Variants in VTI1A observed in about 807,000 individuals in gnomAD.
The protein encoded by VTI1A is vesicle transport through interaction with t-SNAREs 1A, also known as vesicle transport through interaction with t-SNAREs homolog 1A.
Under a neutral mutation model 34.9 loss-of-function variants are expected in VTI1A, and 22 were observed. The observed-to-expected ratio is 0.63, with a 90% confidence interval of 0.45 to 0.90. The LOEUF (loss-of-function observed/expected upper bound fraction) is 0.90. Among genes scored for constraint, VTI1A ranks in the 40% least tolerant of loss-of-function variants. The pLI, the probability that VTI1A is intolerant of heterozygous loss-of-function variation, is 0.00. For synonymous variants in VTI1A, 87 were observed against 97.3 expected, an observed-to-expected ratio of 0.89 and a Z score of 0.62; for missense variants, 268 against 275.6, an observed-to-expected ratio of 0.97 and a Z score of 0.20.
chr10:112,836,241 T>TATGAA, the VTI1A span, among the ~76,000 whole-genome samples: 10 of 152,176 alleles, frequency 6.6e-5, no homozygotes, highest in Admixed American at 2.0e-4. Flanking sequence ...GGGTGCAAGT[T>TATGAA]ATGAAATGAA....
At chr10:112,593,418 A>G (rs563375010) in intron 5 of VTI1A, among the ~76,000 whole-genome samples, 29 of 152,212 alleles carry the variant, frequency 1.9e-4, no homozygotes, top group Non-Finnish European at 3.1e-4. Flanking sequence ...GGGCTCTGCA[A>G]ATAGCACAGA....
At chr10:112,635,061 C>T (rs541811817) in intron 5 of VTI1A, among the ~76,000 whole-genome samples, 2 of 152,248 alleles carry the variant, frequency 1.3e-5, no homozygotes, top group South Asian at 2.1e-4. Context: ...TTTTCACTGC[C>T]TTGTTGTTGC....
At chr10:112,686,743 C>A (rs1233922098) in intron 7 of VTI1A, among the ~76,000 whole-genome samples, 3 of 152,290 alleles carry the variant, frequency 2.0e-5, no homozygotes, top group South Asian at 4.2e-4. Flanking sequence ...TATTAAAGGG[C>A]CTAGTTCTTT....
rs75736450 is a variant in VTI1A at position 112,726,092 on chromosome 10, G to A, written c.560+57094G>A. On this transcript the variant is annotated intron_variant, in intron 7 of 7. Coordinates refer to ENST00000393077, the MANE Select transcript of VTI1A (RefSeq NM_145206.4). ...GTTATGTTTATGTTGGAGTGGTAACGCAGTCTTCCTTGGTATCTCATCGTC... is the reference window on the plus strand; with the variant it reads ...GTTATGTTTATGTTGGAGTGGTAACACAGTCTTCCTTGGTATCTCATCGTC... Among the ~76,000 whole-genome samples the A allele has an allele frequency of 5.8e-3, 890 of 152,244 alleles. 2 individuals carry two copies. The highest frequency in any genetic ancestry group is 9.5e-3 in the Non-Finnish European group (645 of 68,020).
At chr10:112,855,069 G>A in the VTI1A span, among the ~76,000 whole-genome samples, 1 of 152,216 alleles carries the variant, frequency 6.6e-6, no homozygotes, top group African/African-American at 2.4e-5. Flanking sequence ...GCACCAACTG[G>A]GAAGGAGCTG....
intron 3 of VTI1A, among the ~76,000 whole-genome samples, chr10:112,523,357 C>T (rs17129837): frequency 0.065 from 9,911 of 152,144 alleles, 579 homozygotes; most frequent in East Asian, 0.28. Context: ...TCACTTGTGT[C>T]ATCAGTTTAA....
chr10:112,654,518 C>A (rs182710450), intron 5 of VTI1A, among the ~76,000 whole-genome samples: 47 of 151,834 alleles, frequency 3.1e-4, no homozygotes, highest in African/African-American at 9.9e-4. Context: ...TTTTTGAGAC[C>A]GAGTCTAACT....
chr10:112,743,298 T>TGAAAC (rs112075654), intron 7 of VTI1A, among the ~76,000 whole-genome samples: 172 of 152,290 alleles, frequency 1.1e-3, no homozygotes, highest in African/African-American at 4.0e-3. Context: ...TTACAAAAGA[T>TGAAAC]GAAACTCGTC....
At chr10:112,671,029 G>A (rs17129998) in intron 7 of VTI1A, among the ~76,000 whole-genome samples, 2,467 of 152,264 alleles carry the variant, frequency 0.016, 67 homozygotes, top group African/African-American at 0.056. Flanking sequence ...AATTACTGCC[G>A]CGTATGATAT....
rs530528895 is a variant in VTI1A, at chr10:112,452,946, T to C, written c.94+5479T>C. On this transcript the variant is annotated intron_variant, in intron 1 of 7. Transcript: ENST00000393077. ...GTCATACTTTATTCAGATTTCGTTT[T>C]GTTCTGTTTGTTCTTTTTACCTAAT... Among the ~76,000 whole-genome samples, 221 of 48,040 alleles carry C rather than the reference T, an allele frequency of 4.6e-3. 1 individual carries two copies. The highest frequency in any genetic ancestry group is 0.011 in the Non-Finnish European group (172 of 15,630). 31.5% of individuals were successfully genotyped at this position (48,040 alleles called of 152,430 possible). A position where few individuals can be genotyped will look rare whatever the true frequency, so the allele number is the denominator to read the frequency against.
At chr10:112,496,535 C>T (rs1358542807) in intron 3 of VTI1A, among the ~76,000 whole-genome samples, 2 of 151,832 alleles carry the variant, frequency 1.3e-5, no homozygotes, top group Admixed American at 1.3e-4. Flanking sequence ...CGGGCCACTG[C>T]ACTCCTGCCT....
intron 5 of VTI1A, among the ~76,000 whole-genome samples, chr10:112,650,792 A>T (rs778913158): frequency 6.6e-6 from 1 of 152,194 alleles, no homozygotes; most frequent in Non-Finnish European, 1.5e-5. Flanking sequence ...GCAATGCATG[A>T]CTGTATGTCC....
At chr10:112,525,550 T>TA (rs1253016851) in intron 3 of VTI1A, among the ~76,000 whole-genome samples, 3 of 152,154 alleles carry the variant, frequency 2.0e-5, no homozygotes, top group Non-Finnish European at 4.4e-5. Flanking sequence ...CTTTTTTCCC[T>TA]AAAAAGCAAA....
At chr10:112,768,759 G>T (rs186300149) in intron 7 of VTI1A, among the ~76,000 whole-genome samples, 143 of 152,174 alleles carry the variant, frequency 9.4e-4, no homozygotes, top group Non-Finnish European at 1.7e-3. Context: ...TGGTTTCCAT[G>T]TTAGTATTAG....
chr10:112,693,751 T>C (rs1276953158), intron 7 of VTI1A, among the ~76,000 whole-genome samples: 1 of 152,166 alleles, frequency 6.6e-6, no homozygotes, highest in Non-Finnish European at 1.5e-5. Context: ...CTAGTTGCTC[T>C]TTCTGAGTGC....
At chr10:112,580,748 A>T (rs1280825255) in intron 5 of VTI1A, among the ~76,000 whole-genome samples, 1 of 152,116 alleles carries the variant, frequency 6.6e-6, no homozygotes, top group Non-Finnish European at 1.5e-5. Context: ...TAGGAGGAAA[A>T]GGGGGGCATC....
chr10:112,812,678 G>A lies in VTI1A; in HGVS notation c.561-2612G>A, dbSNP rs1853359456. Among the ~76,000 whole-genome samples the A allele has an allele frequency of 2.0e-5, 3 of 152,164 alleles. No homozygotes were observed. The South Asian group carries it at 6.2e-4, about 32-fold the overall frequency. ...GCCCAGCCAGTCAAGCTTGCTTAGA[G>A]CTCTCTCTATTCCAACTCTTTCCCC... On this transcript the variant is annotated intron_variant, in intron 7 of 7. Transcript: ENST00000393077.
At chr10:112,802,939 C>T (rs1230106972) in intron 7 of VTI1A, among the ~76,000 whole-genome samples, 2 of 152,132 alleles carry the variant, frequency 1.3e-5, no homozygotes, top group Non-Finnish European at 2.9e-5. Context: ...AGAGCAGCCT[C>T]GAAATTGAGT....
At chr10:112,757,551 ATTGT>A (rs145697867) in intron 7 of VTI1A, among the ~76,000 whole-genome samples, 28,685 of 151,078 alleles carry the variant, frequency 0.19, 3,080 homozygotes, top group Non-Finnish European at 0.25. Flanking sequence ...CGCCAGACTA[ATTGT>A]TTGTATTTTT....
Sources: allele counts gnomAD v4.1 joint callset (sites outside exome capture counted in the v4.1 genomes callset), GRCh38; gene constraint gnomAD v4.1.1; transcripts MANE v1.5; gene names NCBI Gene and HGNC (gene_info 2026-07-23, HGNC 2026-07-21).